The following SAXO1 variants were observed in gnomAD, a reference collection of about 807,000 sequenced individuals.
The protein encoded by SAXO1 is stabilizer of axonemal microtubules 1.
Under a neutral mutation model 17.5 loss-of-function variants are expected in SAXO1, and 21 were observed. The ratio of observed to expected loss-of-function variants is 1.20; its 90% CI spans 0.85 to 1.72. SAXO1 has a LOEUF of 1.72. Among genes scored for constraint, SAXO1 ranks in the 40% most tolerant of loss-of-function variants. The probability of loss-of-function intolerance (pLI) is 0.00; values close to 1 mark genes in which losing one functional copy is unlikely to be tolerated. For synonymous variants in SAXO1, 274 were observed against 216.5 expected, an observed-to-expected ratio of 1.27 and a Z score of -2.33; for missense variants, 843 against 596.0, an observed-to-expected ratio of 1.41 and a Z score of -4.32.
At chr9:18,962,056 G>A (rs1235288696) in intron 1 of SAXO1, among the ~76,000 whole-genome samples, 2 of 151,868 alleles carry the variant, frequency 1.3e-5, no homozygotes, top group East Asian at 1.9e-4. Context: ...GTGTGTGTAC[G>A]GTTTTTTTAG....
Position 18,928,941 on chromosome 9 carries a change from A to T in SAXO1, c.536T>A (p.Ile179Lys), listed in dbSNP as rs965075331. 3.1e-6 allele frequency: 5 copies of T among 1,614,152 alleles called. No individual in the cohort carries two copies. Among genetic ancestry groups the T allele is most frequent in the Middle Eastern group, 1.6e-4 (1 of 6,062 alleles). Residue 179 changes from isoleucine (I) to lysine (K), a missense_variant, in exon 4 of 4, where the codon ATA becomes AAA. Transcript: ENST00000380534. ...NRTTHQDDYPIKGLVKTISCK... is the reference protein window; with the variant it reads ...NRTTHQDDYPKKGLVKTISCK... Reference sequence around the variant, plus strand: ...GCTTATGGTCTTCACAAGGCCTTTTATGGGGTAATCGTCCTGGTGTGTGGT... The same window carrying T: ...GCTTATGGTCTTCACAAGGCCTTTTTTGGGGTAATCGTCCTGGTGTGTGGT...
Position 19,017,871 on chromosome 9 carries a change from AG to A in SAXO1, c.38+14999del, listed in dbSNP as rs538204233. Among the ~76,000 whole-genome samples, 221 of 152,356 alleles carry A rather than the reference AG, an allele frequency of 1.5e-3. 2 individuals are homozygous for A. In the South Asian group the frequency reaches 0.018, roughly 12 times the overall value. ...ATGCACACAAGTGAACTACTGGCAT[AG>A]AAAACATGGAACTGGCTGTGCACAG... On this transcript the variant is annotated intron_variant, in intron 1 of 3. Transcript: ENST00000380534.
At chr9:18,944,806 G>A (rs1359071476) in intron 2 of SAXO1, among the ~76,000 whole-genome samples, 1 of 152,110 alleles carries the variant, frequency 6.6e-6, no homozygotes, top group Non-Finnish European at 1.5e-5. Flanking sequence ...GCCTGGCAGT[G>A]GGAAATGAAG....
intron 3 of SAXO1, among the ~76,000 whole-genome samples, chr9:18,933,321 T>C (rs890754733): frequency 4.6e-5 from 7 of 152,220 alleles, no homozygotes; most frequent in African/African-American, 7.2e-5. Flanking sequence ...TAATTGATTT[T>C]CTGATGTTAC....
At chr9:19,017,448 G>A (rs1835027022) in intron 1 of SAXO1, among the ~76,000 whole-genome samples, 1 of 152,184 alleles carries the variant, frequency 6.6e-6, no homozygotes, top group Non-Finnish European at 1.5e-5. Context: ...TCTACAGACA[G>A]GGACACTGGC....
chr9:19,028,081 G>A (rs1385108859), intron 1 of SAXO1: 5 of 1,611,874 alleles, frequency 3.1e-6, no homozygotes, highest in Non-Finnish European at 4.2e-6. Context: ...CTACATGGAA[G>A]GCATCCTGGA....
At chr9:18,932,409 T>C (rs745975041) in intron 3 of SAXO1, among the ~76,000 whole-genome samples, 9 of 152,370 alleles carry the variant, frequency 5.9e-5, no homozygotes, top group Non-Finnish European at 1.2e-4. Context: ...TGTGTCAGTA[T>C]AACTGTCTCA....
At chr9:18,987,330 T>C (rs1833634602) in intron 1 of SAXO1, among the ~76,000 whole-genome samples, 1 of 152,190 alleles carries the variant, frequency 6.6e-6, no homozygotes, top group Non-Finnish European at 1.5e-5. Context: ...AACTGCAGGA[T>C]GGCAACAGCC....
intron 1 of SAXO1, among the ~76,000 whole-genome samples, chr9:18,991,237 G>A (rs1833797711): frequency 6.6e-6 from 1 of 152,104 alleles, no homozygotes; most frequent in Admixed American, 6.5e-5. Flanking sequence ...CTCCAGCCTG[G>A]GTGACAGAGC....
chr9:18,971,175 A>G (rs1265089989), intron 1 of SAXO1, among the ~76,000 whole-genome samples: 2 of 152,166 alleles, frequency 1.3e-5, no homozygotes, highest in Non-Finnish European at 2.9e-5. Flanking sequence ...CAAGTGGCGG[A>G]GCAAGATGTG....
At chr9:18,964,537 T>G (rs747282670) in intron 1 of SAXO1, among the ~76,000 whole-genome samples, 15 of 152,242 alleles carry the variant, frequency 9.9e-5, no homozygotes, top group African/African-American at 2.4e-4. Flanking sequence ...CCATTTCTTC[T>G]AGATTTTCTA....
chr9:18,966,869 C>T (rs1307846199), intron 1 of SAXO1, among the ~76,000 whole-genome samples: 2 of 152,144 alleles, frequency 1.3e-5, no homozygotes, highest in African/African-American at 4.8e-5. Context: ...TTCCTCCTTA[C>T]CTTCGTGGAT....
chr9:19,033,005 G>T lies in SAXO1; in HGVS notation c.-97C>A, dbSNP rs867752619. 2.3e-6 allele frequency: 3 copies of T among 1,324,060 alleles called. No individual in the cohort carries two copies. Among genetic ancestry groups the T allele is most frequent in the Non-Finnish European group, 3.1e-6 (3 of 982,956 alleles). 82.0% of individuals were successfully genotyped at this position (1,324,060 alleles called of 1,614,324 possible). On this transcript the variant is annotated 5_prime_UTR_variant, in exon 1 of 4. Transcript: ENST00000380534. ...CCTGTCTTGGGGCACGCCCAGGCTC[G>T]AGGGTCTTGGCAGGTGTTCTGTTTA...
chr9:18,938,580 C>G (rs1831403090), intron 3 of SAXO1, among the ~76,000 whole-genome samples: 1 of 152,032 alleles, frequency 6.6e-6, no homozygotes, highest in African/African-American at 2.4e-5. Flanking sequence ...ACAATCACCT[C>G]TCACCAGGCC....
At chr9:19,017,998 T>G (rs1382082148) in intron 1 of SAXO1, among the ~76,000 whole-genome samples, 3 of 151,946 alleles carry the variant, frequency 2.0e-5, no homozygotes, top group African/African-American at 7.3e-5. Flanking sequence ...CAAAATCTCA[T>G]CTCTACAAAA....
chr9:19,031,465 G>C (rs1835767545), intron 1 of SAXO1, among the ~76,000 whole-genome samples: 1 of 152,214 alleles, frequency 6.6e-6, no homozygotes, highest in Admixed American at 6.5e-5. Context: ...AGGAGGCTGA[G>C]GCAGGAGAAT....
chr9:19,032,863 C>T lies in SAXO1; in HGVS notation c.38+8G>A, dbSNP rs1835825845. ...CCCCCAGCCTTGCCCTGGGCGTGGC[C>T]ACCTTACCCGCAGGAGCACAGTTCA... On this transcript the variant is annotated splice_region_variant and intron_variant, in intron 1 of 3. Coordinates refer to ENST00000380534, the MANE Select transcript of SAXO1 (RefSeq NM_153707.4). The T allele has an allele frequency of 6.2e-7, 1 of 1,610,106 alleles. No homozygotes were observed. The highest frequency in any genetic ancestry group is 8.5e-7 in the Non-Finnish European group (1 of 1,179,588).
intron 1 of SAXO1, among the ~76,000 whole-genome samples, chr9:18,961,807 T>G (rs911508230): frequency 2.0e-5 from 3 of 152,172 alleles, no homozygotes; most frequent in African/African-American, 7.2e-5. Flanking sequence ...TACGTGTGCA[T>G]GTGTCTTTAT....
upstream of SAXO1, among the ~76,000 whole-genome samples, chr9:19,035,937 A>G (rs62563562): frequency 2.0e-5 from 3 of 152,158 alleles, no homozygotes; most frequent in Non-Finnish European, 2.9e-5. Context: ...AGAGCACAAA[A>G]GTTTGGAAAA....
Sources: gnomAD v4.1 joint callset for allele counts (sites outside exome capture counted in the v4.1 genomes callset) on GRCh38, gnomAD v4.1.1 for gene constraint, MANE v1.5 for transcripts, NCBI Gene and HGNC (gene_info 2026-07-23, HGNC 2026-07-21) for gene names.